Variants in EBF1 observed in about 807,000 individuals in gnomAD.
The protein encoded by EBF1 is EBF transcription factor 1, also known as transcription factor COE1.
In EBF1, 10 loss-of-function variants were observed where a neutral mutation model predicts 68.4. The observed-to-expected ratio is 0.15, with a 90% CI of 0.09 to 0.25. The LOEUF is 0.25. EBF1 is among the 10% of genes least tolerant of loss of function. The probability of loss-of-function intolerance (pLI) is 1.00; values close to 1 mark genes in which losing one functional copy is unlikely to be tolerated. For synonymous variants in EBF1, 298 were observed against 299.8 expected (o/e 0.99, Z 0.06); for missense variants, 509 against 794.4 (o/e 0.64, Z 4.32).
chr5:159,053,161 G>A (rs1302015438), intron 6 of EBF1, among the ~76,000 whole-genome samples: 1 of 152,214 alleles, frequency 6.6e-6, no homozygotes, highest in Admixed American at 6.5e-5. Flanking sequence ...GACACTGCAA[G>A]GTTGGCATCC....
intron 4 of EBF1, 146 bp downstream of exon 4, chr5:159,095,474 G>T: frequency 1.2e-6 from 1 of 825,292 alleles, no homozygotes; most frequent in Non-Finnish European, 1.9e-6. Flanking sequence ...AATGGACACT[G>T]GAAGGCCGTG....
chr5:158,809,708 G>C (rs1782260405), intron 8 of EBF1, among the ~76,000 whole-genome samples: 1 of 152,090 alleles, frequency 6.6e-6, no homozygotes, highest in African/African-American at 2.4e-5. Flanking sequence ...AAACTTCCAG[G>C]CTTAGAAGCT....
intron 6 of EBF1, among the ~76,000 whole-genome samples, chr5:158,953,316 A>T (rs1816428563): frequency 6.6e-6 from 1 of 152,204 alleles, no homozygotes; most frequent in South Asian, 2.1e-4. Context: ...TATTAACTTT[A>T]ACACATTTTA....
chr5:158,988,858 A>T (rs1457911736), intron 6 of EBF1, among the ~76,000 whole-genome samples: 2 of 152,190 alleles, frequency 1.3e-5, no homozygotes, highest in Non-Finnish European at 2.9e-5. Context: ...TAACACAGAG[A>T]GGAGGGAAAA....
chr5:158,723,820 T>A (rs1347353372), intron 11 of EBF1, among the ~76,000 whole-genome samples: 1 of 151,940 alleles, frequency 6.6e-6, no homozygotes, highest in African/African-American at 2.4e-5. Context: ...CTTAAAGAGG[T>A]GAGAATTACA....
chr5:158,984,967 G>A (rs1338781112), intron 6 of EBF1, among the ~76,000 whole-genome samples: 3 of 152,122 alleles, frequency 2.0e-5, no homozygotes, highest in African/African-American at 7.2e-5. Context: ...ACAGGCATGA[G>A]CCACCAAACT....
At chr5:159,016,608 G>A (rs936166561) in intron 6 of EBF1, among the ~76,000 whole-genome samples, 2 of 152,074 alleles carry the variant, frequency 1.3e-5, no homozygotes, top group South Asian at 4.1e-4. Flanking sequence ...AATTTGCCAC[G>A]CCTTCTGAAG....
At chr5:158,985,582 A>C (rs1758861042) in intron 6 of EBF1, among the ~76,000 whole-genome samples, 1 of 152,258 alleles carries the variant, frequency 6.6e-6, no homozygotes. Context: ...TAAAATGCAA[A>C]GATCTCTTTT....
intron 4 of EBF1, among the ~76,000 whole-genome samples, chr5:159,090,530 C>A (rs559247348): frequency 8.6e-5 from 13 of 152,040 alleles, no homozygotes; most frequent in African/African-American, 2.9e-4. Flanking sequence ...AGGAAAGTTG[C>A]GAAGGAATGA....
At chr5:158,966,024 G>T (rs1353788376) in intron 6 of EBF1, among the ~76,000 whole-genome samples, 1 of 152,148 alleles carries the variant, frequency 6.6e-6, no homozygotes, top group Non-Finnish European at 1.5e-5. Context: ...TCTCTATCTG[G>T]GACAAGGTAG....
At chr5:158,856,964 A>G (rs901227755) in intron 6 of EBF1, among the ~76,000 whole-genome samples, 1 of 151,646 alleles carries the variant, frequency 6.6e-6, no homozygotes. Context: ...ATGCCTATCT[A>G]TTTTTTAAAA....
chr5:159,013,813 C>G (rs767193890), intron 6 of EBF1, among the ~76,000 whole-genome samples: 1 of 152,218 alleles, frequency 6.6e-6, no homozygotes, highest in Non-Finnish European at 1.5e-5. Context: ...TTCCAGCTCA[C>G]ACTCCTCCCA....
intron 9 of EBF1, among the ~76,000 whole-genome samples, chr5:158,787,342 G>A (rs1470348538): frequency 1.3e-5 from 2 of 152,160 alleles, no homozygotes; most frequent in Non-Finnish European, 2.9e-5. Flanking sequence ...CACTGAGCCT[G>A]TATCCAATAG....
rs117170211 is a variant in EBF1 at position 158,897,601 on chromosome 5, C to T, written c.555-57491G>A. ...GTTAAAAAAAAAAATCATTCTTGCT[C>T]TCATCTAGTTGAAAGGGACAGTTAA... is the stretch of plus-strand genomic sequence containing the variant. On this transcript the variant is annotated intron_variant, in intron 6 of 15. Transcript: ENST00000313708. 4.1e-3 allele frequency among the ~76,000 whole-genome samples: 626 copies of T among 152,136 alleles called. 13 individuals carry two copies. The highest frequency in any genetic ancestry group is 0.034 in the East Asian group (175 of 5,180).
intron 10 of EBF1, among the ~76,000 whole-genome samples, chr5:158,756,647 A>G (rs987211873): frequency 1.3e-5 from 2 of 151,914 alleles, no homozygotes; most frequent in East Asian, 3.9e-4. Context: ...GGTGCCTAAC[A>G]TGCAAACTCT....
At chr5:159,019,746 T>C (rs946483470) in intron 6 of EBF1, among the ~76,000 whole-genome samples, 15 of 152,176 alleles carry the variant, frequency 9.9e-5, no homozygotes, top group Admixed American at 2.0e-4. Flanking sequence ...CTGGATTTGA[T>C]AGAGTTTCTT....
At chr5:159,009,736 C>T (rs1764257721) in intron 6 of EBF1, among the ~76,000 whole-genome samples, 1 of 149,148 alleles carries the variant, frequency 6.7e-6, no homozygotes, top group Non-Finnish European at 1.5e-5. Context: ...CTGAGATCTG[C>T]ACTCCAGCCT....
chr5:159,007,696 C>G (rs1409697693), intron 6 of EBF1, among the ~76,000 whole-genome samples: 1 of 152,170 alleles, frequency 6.6e-6, no homozygotes, highest in Non-Finnish European at 1.5e-5. Context: ...AGCCAAGATG[C>G]AGATCAATTC....
intron 6 of EBF1, among the ~76,000 whole-genome samples, chr5:158,933,233 A>C (rs995789880): frequency 6.6e-6 from 1 of 152,238 alleles, no homozygotes; most frequent in Admixed American, 6.5e-5. Context: ...CAAAAAAAAA[A>C]AATGTTTGAA....
Sources: gnomAD v4.1 joint callset for allele counts (sites outside exome capture counted in the v4.1 genomes callset) on GRCh38, gnomAD v4.1.1 for gene constraint, MANE v1.5 for transcripts, NCBI Gene and HGNC (gene_info 2026-07-23, HGNC 2026-07-21) for gene names.